Variants in FSHR observed in about 807,000 individuals in gnomAD.
FSHR encodes follicle-stimulating hormone receptor.
A neutral mutation model predicts 52.1 loss-of-function variants in FSHR; 46 were observed. That is an observed-to-expected ratio of 0.88 (90% CI 0.70 to 1.13). The LOEUF is 1.13. Ranked by LOEUF, FSHR falls within the 50% of genes most tolerant of loss-of-function variation. FSHR has a pLI of 0.00. For missense variants in FSHR, 964 were observed against 834.6 expected (o/e 1.16, Z -1.91); for synonymous variants, 399 against 309.6 (o/e 1.29, Z -3.03).
At chr2:49,012,877 G>A (rs1667322303) in intron 4 of FSHR, among the ~76,000 whole-genome samples, 2 of 152,036 alleles carry the variant, frequency 1.3e-5, no homozygotes, top group South Asian at 4.1e-4. Context: ...GATATGCTAT[G>A]GACTGAACTG....
chr2:49,143,448 AT>A (rs1415179498), intron 1 of FSHR, among the ~76,000 whole-genome samples: 1 of 152,136 alleles, frequency 6.6e-6, no homozygotes, highest in Non-Finnish European at 1.5e-5. Flanking sequence ...ATAAAGAGAA[AT>A]TTTTTGGTAC....
At chr2:49,147,946 C>T (rs1468890135) in intron 1 of FSHR, among the ~76,000 whole-genome samples, 1 of 151,976 alleles carries the variant, frequency 6.6e-6, no homozygotes, top group African/African-American at 2.4e-5. Context: ...AACATGGGCA[C>T]TCAGGGCAAT....
chr2:48,981,492 T>C (rs1573040196), intron 8 of FSHR, among the ~76,000 whole-genome samples: 1 of 152,340 alleles, frequency 6.6e-6, no homozygotes, highest in East Asian at 1.9e-4. Flanking sequence ...GGTAAAAGAA[T>C]TGGTCTAAAC....
chr2:49,102,318 C>T (rs184403430), intron 1 of FSHR, among the ~76,000 whole-genome samples: 20 of 152,080 alleles, frequency 1.3e-4, no homozygotes, highest in Middle Eastern at 3.4e-3. Flanking sequence ...CACAGAAATA[C>T]AAAAAATTTG....
intron 1 of FSHR, among the ~76,000 whole-genome samples, chr2:49,070,579 C>T (rs369182138): frequency 5.3e-5 from 8 of 152,056 alleles, no homozygotes; most frequent in African/African-American, 1.7e-4. Flanking sequence ...TATTAATTAA[C>T]GAGATGCATG....
intron 1 of FSHR, among the ~76,000 whole-genome samples, chr2:49,124,872 T>C (rs536757474): frequency 2.0e-4 from 30 of 152,348 alleles, no homozygotes; most frequent in African/African-American, 7.2e-4. Context: ...AAAACTGGTG[T>C]CCTTACAGGG....
rs146161971 is a variant in FSHR, at chr2:49,097,337, T to C, written c.153-29047A>G. On this transcript the variant is annotated intron_variant, in intron 1 of 9. Transcript: ENST00000406846. ...ATGAGAATTGTAGAATTTCTAGTGA[T>C]ACATCTTCAAGTTCACTGACCTTTT... Among the ~76,000 whole-genome samples the C allele has an allele frequency of 4.2e-3, 635 of 152,334 alleles. 3 individuals carry two copies. Among genetic ancestry groups the C allele is most frequent in the African/African-American group, 0.013 (544 of 41,572 alleles).
intron 1 of FSHR, among the ~76,000 whole-genome samples, chr2:49,119,890 T>C (rs1165683487): frequency 1.3e-5 from 2 of 152,284 alleles, no homozygotes; most frequent in East Asian, 3.9e-4. Context: ...CTCTACATTG[T>C]AGGGTTACCG....
intron 2 of FSHR, chr2:49,059,624 TATTAG>T (rs1265626956): frequency 6.6e-6 from 1 of 152,592 alleles, no homozygotes; most frequent in Non-Finnish European, 1.5e-5. Context: ...TGATTTTTGC[TATTAG>T]AAAGTAATGG....
intron 6 of FSHR, among the ~76,000 whole-genome samples, chr2:48,984,594 T>TTTG (rs1553431706): frequency 6.6e-5 from 10 of 151,818 alleles, no homozygotes; most frequent in East Asian, 5.8e-4. Flanking sequence ...GTATTTTTTT[T>TTTG]TTTTGTAATA....
At chr2:49,037,031 ACATGAG>A (rs1668294766) in intron 2 of FSHR, among the ~76,000 whole-genome samples, 1 of 152,216 alleles carries the variant, frequency 6.6e-6, no homozygotes, top group Non-Finnish European at 1.5e-5. Flanking sequence ...CCACTTGGGA[ACATGAG>A]CCCAAGTTCC....
rs536620562 is a variant in FSHR, at chr2:49,096,175, A to G, written c.153-27885T>C. Among the ~76,000 whole-genome samples, 3 of 152,338 alleles carry G rather than the reference A, an allele frequency of 2.0e-5. No individual in the cohort carries two copies. In the East Asian group the frequency reaches 5.8e-4, roughly 29 times the overall value. On this transcript the variant is annotated intron_variant, in intron 1 of 9. Coordinates refer to ENST00000406846, the MANE Select transcript of FSHR (RefSeq NM_000145.4). ...TACAAAAATGGATATTCATAGAAGC[A>G]TCATTCACAATAGTCAAAATTTGAA... is the stretch of plus-strand genomic sequence containing the variant.
At chr2:49,010,948 T>C (rs1667246968) in intron 4 of FSHR, among the ~76,000 whole-genome samples, 1 of 152,026 alleles carries the variant, frequency 6.6e-6, no homozygotes, top group South Asian at 2.1e-4. Flanking sequence ...GCTAGTGGTC[T>C]ATCAATTTTG....
chr2:49,089,217 A>T (rs766319161), intron 1 of FSHR, among the ~76,000 whole-genome samples: 5 of 152,120 alleles, frequency 3.3e-5, no homozygotes, highest in Non-Finnish European at 7.4e-5. Context: ...ATGTATTTCG[A>T]CAGGGAGAAA....
At chr2:49,136,525 A>G (rs1429475948) in intron 1 of FSHR, among the ~76,000 whole-genome samples, 1 of 152,142 alleles carries the variant, frequency 6.6e-6, no homozygotes, top group Non-Finnish European at 1.5e-5. Flanking sequence ...GGCCAGTGTT[A>G]CTCAGATACC....
intron 1 of FSHR, among the ~76,000 whole-genome samples, chr2:49,108,300 G>T (rs1249169753): frequency 6.6e-6 from 1 of 152,104 alleles, no homozygotes; most frequent in Non-Finnish European, 1.5e-5. Context: ...TGTAGATTGT[G>T]AGACTTCTCA....
chr2:49,150,839 T>A (rs1285240676), intron 1 of FSHR, among the ~76,000 whole-genome samples: 2 of 151,972 alleles, frequency 1.3e-5, no homozygotes, highest in African/African-American at 2.4e-5. Context: ...AAGTGGGCAA[T>A]ACATAGTCCA....
chr2:48,986,411 T>TTC (rs1553432071), intron 6 of FSHR, among the ~76,000 whole-genome samples: 1 of 150,422 alleles, frequency 6.6e-6, no homozygotes, highest in Admixed American at 6.6e-5. Context: ...TTTTTTTTTT[T>TTC]CTGAGTGTGC....
At chr2:49,030,952 C>T (rs548968600) in intron 2 of FSHR, among the ~76,000 whole-genome samples, 1 of 152,234 alleles carries the variant, frequency 6.6e-6, no homozygotes, top group Non-Finnish European at 1.5e-5. Flanking sequence ...CTACCAATGC[C>T]TAGAGAAAAA....
Sources: allele counts gnomAD v4.1 joint callset (sites outside exome capture counted in the v4.1 genomes callset), GRCh38; gene constraint gnomAD v4.1.1; transcripts MANE v1.5; gene names NCBI Gene and HGNC (gene_info 2026-07-23, HGNC 2026-07-21).